PDE10A: variants seen among roughly 807,000 people sequenced by gnomAD.
PDE10A encodes phosphodiesterase 10A.
Under a neutral mutation model 97.7 loss-of-function variants are expected in PDE10A, and 39 were observed. The ratio of observed to expected loss-of-function variants is 0.40; its 90% CI spans 0.31 to 0.52. The LOEUF is 0.52. Ranked by LOEUF, PDE10A falls within the 20% of genes least tolerant of loss-of-function variation. The probability of loss-of-function intolerance (pLI) is 0.56; values close to 1 mark genes in which losing one functional copy is unlikely to be tolerated. For synonymous variants in PDE10A, 371 were observed against 376.8 expected (o/e 0.98, Z 0.18); for missense variants, 731 against 1,047.8 (o/e 0.70, Z 4.17).
intron 1 of PDE10A, among the ~76,000 whole-genome samples, chr6:165,977,861 A>G (rs2128503072): frequency 6.6e-6 from 1 of 152,364 alleles, no homozygotes; most frequent in Non-Finnish European, 1.5e-5. Flanking sequence ...CCAATAGTAG[A>G]AAAAACAAGT....
intron 1 of PDE10A, among the ~76,000 whole-genome samples, chr6:165,861,495 A>AG (rs1286852716): frequency 6.6e-6 from 1 of 151,758 alleles, no homozygotes; most frequent in Admixed American, 6.6e-5. Flanking sequence ...GTGGACATAA[A>AG]GGGGGGACGA....
chr6:165,817,576 G>A (rs1281977575), intron 1 of PDE10A, among the ~76,000 whole-genome samples: 3 of 152,148 alleles, frequency 2.0e-5, no homozygotes, highest in African/African-American at 4.8e-5. Flanking sequence ...CTACACCCTA[G>A]ATGTAGTTAA....
chr6:165,718,565 C>T (rs1414285636), intron 1 of PDE10A, among the ~76,000 whole-genome samples: 2 of 151,984 alleles, frequency 1.3e-5, no homozygotes, highest in African/African-American at 4.8e-5. Context: ...CACTCCTCTC[C>T]CCCACTGATT....
intron 1 of PDE10A, among the ~76,000 whole-genome samples, chr6:165,921,859 A>G (rs1406929342): frequency 6.6e-6 from 1 of 152,162 alleles, no homozygotes; most frequent in Non-Finnish European, 1.5e-5. Flanking sequence ...GACAGGGAGC[A>G]CTGATGAGCT....
chr6:165,802,329 G>C (rs1177400912), intron 1 of PDE10A, among the ~76,000 whole-genome samples: 1 of 152,168 alleles, frequency 6.6e-6, no homozygotes, highest in Non-Finnish European at 1.5e-5. Context: ...TCCAACCCAA[G>C]GCTGCACGAA....
rs556098235 is a variant in PDE10A, at chr6:165,461,836, A to T, written c.1024-11474T>A. On this transcript the variant is annotated intron_variant, in intron 3 of 21. Transcript: ENST00000539869. The stretch of plus-strand genomic sequence containing the variant: ...CAGCACTACCTGGAAAGAAGCTAAA[A>T]ATATTATCCAACGATGCCCAACTTG... Among the ~76,000 whole-genome samples, 102 of 152,360 alleles carry T rather than the reference A, an allele frequency of 6.7e-4. 1 individual carries two copies. Among genetic ancestry groups the T allele is most frequent in the African/African-American group, 2.2e-3 (93 of 41,580 alleles).
At chr6:165,932,414 C>A (rs1473690714) in intron 1 of PDE10A, among the ~76,000 whole-genome samples, 3 of 152,072 alleles carry the variant, frequency 2.0e-5, no homozygotes, top group African/African-American at 7.2e-5. Flanking sequence ...CAGCTCACTG[C>A]AACCTCCGCC....
chr6:165,619,903 C>A (rs983844777), intron 1 of PDE10A, among the ~76,000 whole-genome samples: 2 of 152,200 alleles, frequency 1.3e-5, no homozygotes, highest in Admixed American at 6.5e-5. Context: ...CATGATCGGG[C>A]AGCTATAAAC....
chr6:165,715,314 A>G lies in PDE10A; in HGVS notation c.-614-171746T>C, dbSNP rs375578026. Among the ~76,000 whole-genome samples the G allele has an allele frequency of 1.3e-3, 192 of 152,376 alleles. 5 individuals are homozygous for G. In the South Asian group the frequency reaches 0.037, roughly 30 times the overall value. ...TCAGGATTTAAAAATGTTTAATAAT[A>G]AGATAAAAAACATTAGTCCTAGAAC... On this transcript the variant is annotated intron_variant, in intron 1 of 19. Transcript: ENST00000366882.
chr6:165,947,680 T>G (rs1783816464), intron 1 of PDE10A, among the ~76,000 whole-genome samples: 1 of 152,238 alleles, frequency 6.6e-6, no homozygotes, highest in African/African-American at 2.4e-5. Context: ...AGTTTCATTA[T>G]GGACTCACGT....
At chr6:165,379,768 C>A (rs1483052157) in intron 17 of PDE10A, among the ~76,000 whole-genome samples, 2 of 152,114 alleles carry the variant, frequency 1.3e-5, no homozygotes, top group African/African-American at 4.8e-5. Context: ...ATACTAGAAC[C>A]TTAATGGGCT....
intron 1 of PDE10A, among the ~76,000 whole-genome samples, chr6:165,787,398 G>T (rs1778525542): frequency 6.6e-6 from 1 of 152,132 alleles, no homozygotes; most frequent in African/African-American, 2.4e-5. Context: ...TGGTGCTCTG[G>T]CCTGGTGAGC....
At chr6:165,394,415 G>T (rs1300676266) in intron 15 of PDE10A, among the ~76,000 whole-genome samples, 1 of 152,064 alleles carries the variant, frequency 6.6e-6, no homozygotes, top group East Asian at 1.9e-4. Flanking sequence ...TTTTATGGCT[G>T]CATAGTATTC....
chr6:165,679,110 T>C (rs763331217), intron 1 of PDE10A, among the ~76,000 whole-genome samples: 15 of 152,218 alleles, frequency 9.9e-5, no homozygotes, highest in Non-Finnish European at 1.5e-4. Flanking sequence ...AATTGTGGCA[T>C]TGGGTGTTCA....
At chr6:165,574,976 T>A (rs770067380) in intron 1 of PDE10A, among the ~76,000 whole-genome samples, 7 of 152,184 alleles carry the variant, frequency 4.6e-5, no homozygotes, top group Non-Finnish European at 8.8e-5. Context: ...AAAATTCCCC[T>A]CTCTGATGAC....
rs944137173 is a variant in PDE10A at position 165,819,046 on chromosome 6, A to G, written c.-615+168483T>C. 2.0e-5 allele frequency among the ~76,000 whole-genome samples: 3 copies of G among 152,202 alleles called. No individual in the cohort carries two copies. Among genetic ancestry groups the G allele is most frequent in the East Asian group, 1.9e-4 (1 of 5,190 alleles). ...TAAAAATATGTACCTTTCATTCTGT[A>G]CATTTATGAAGCCTCCGTCTAAGCT... On this transcript the variant is annotated intron_variant, in intron 1 of 19. Transcript: ENST00000366882. This position sits in a 1 kb window ranked among gnomAD's most constrained non-coding sequence, Gnocchi z 4.2.
intron 1 of PDE10A, among the ~76,000 whole-genome samples, chr6:165,901,661 G>A (rs993459338): frequency 6.6e-6 from 1 of 152,146 alleles, no homozygotes; most frequent in Non-Finnish European, 1.5e-5. Context: ...AATTAGCCAC[G>A]CATGGTGGCA....
At chr6:165,359,838 A>C (rs1283498162) in intron 18 of PDE10A, among the ~76,000 whole-genome samples, 1 of 152,050 alleles carries the variant, frequency 6.6e-6, no homozygotes, top group Non-Finnish European at 1.5e-5. Flanking sequence ...AGTGCATTAC[A>C]AACGTAAACT....
intron 3 of PDE10A, among the ~76,000 whole-genome samples, chr6:165,478,382 A>C (rs1206377320): frequency 2.0e-5 from 3 of 152,182 alleles, no homozygotes; most frequent in Admixed American, 2.0e-4. Flanking sequence ...GTAGACCTGA[A>C]AATCTAGTTC....
Sources: allele counts gnomAD v4.1 joint callset (sites outside exome capture counted in the v4.1 genomes callset), GRCh38; gene constraint gnomAD v4.1.1; non-coding constraint Gnocchi (gnomAD v3.1); transcripts MANE v1.5; gene names NCBI Gene and HGNC (gene_info 2026-07-23, HGNC 2026-07-21).